DYTN: variants seen among roughly 807,000 people sequenced by gnomAD.
The protein encoded by DYTN is dystrotelin.
A neutral mutation model predicts 69.6 loss-of-function variants in DYTN; 75 were observed. The observed-to-expected ratio is 1.08, with a 90% CI of 0.89 to 1.31. The LOEUF (loss-of-function observed/expected upper bound fraction) is 1.31, where lower values mean the gene tolerates loss of function less well. DYTN is among the 50% of genes most tolerant of loss of function. The pLI is 0.00. For synonymous variants in DYTN, 252 were observed against 249.1 expected, an observed-to-expected ratio of 1.01 and a Z score of -0.11; for missense variants, 726 against 688.4, an observed-to-expected ratio of 1.05 and a Z score of -0.61.
rs1162064786 is a variant in DYTN at position 206,671,725 on chromosome 2, A to G, written c.981-5696T>C. On this transcript the variant is annotated intron_variant, in intron 9 of 11. Coordinates refer to ENST00000452335, the MANE Select transcript of DYTN (RefSeq NM_001093730.1). ...CTCAAATAACTCAGTGATTTAATGTATATTGTTAATATGAAGAAAATCTTT... is the reference window on the plus strand; with the variant it reads ...CTCAAATAACTCAGTGATTTAATGTGTATTGTTAATATGAAGAAAATCTTT... Among the ~76,000 whole-genome samples the G allele has an allele frequency of 3.3e-5, 5 of 152,252 alleles. No homozygotes were observed. The East Asian group carries it at 9.6e-4, about 29-fold the overall frequency.
At chr2:206,658,178 T>C (rs532585045) in intron 11 of DYTN, among the ~76,000 whole-genome samples, 1 of 152,248 alleles carries the variant, frequency 6.6e-6, no homozygotes, top group South Asian at 2.1e-4. Flanking sequence ...ATTCTTCAGC[T>C]CCAAGACTAT....
Position 206,714,298 on chromosome 2 carries a change from G to A in DYTN, c.20-3700C>T, listed in dbSNP as rs990345922. On this transcript the variant is annotated intron_variant, in intron 1 of 11. Transcript: ENST00000452335. ...CTCGGCTCACTGCTCCACCTCCCGGGTTCATGCCAATCTCCTGCCTCAGCC... is the reference window on the plus strand; with the variant it reads ...CTCGGCTCACTGCTCCACCTCCCGGATTCATGCCAATCTCCTGCCTCAGCC... Among the ~76,000 whole-genome samples, 42 of 152,188 alleles carry A rather than the reference G, an allele frequency of 2.8e-4. 1 individual carries two copies. The highest frequency in any genetic ancestry group is 2.7e-3 in the Admixed American group (42 of 15,282).
Position 206,700,211 on chromosome 2 carries a change from T to A in DYTN, c.489A>T (p.Pro163=). Residue 163 remains proline, a synonymous_variant, in exon 6 of 12, where the codon CCA becomes CCT. Transcript: ENST00000452335. ...RKLLTDLQQI[P]TFVGESRALC... is the part of the protein sequence containing the mutation. ...GAGCACGACTCTCTCCCACGAAAGT[T>A]GGGATCTGCAAGAGACAACCTCATC... The A allele has an allele frequency of 1.2e-6, 2 of 1,613,818 alleles. No individual in the cohort carries two copies. The highest frequency in any genetic ancestry group is 1.7e-6 in the Non-Finnish European group (2 of 1,179,752).
At chr2:206,652,540 A>C (rs1463632995) in intron 11 of DYTN, among the ~76,000 whole-genome samples, 1 of 152,218 alleles carries the variant, frequency 6.6e-6, no homozygotes, top group Non-Finnish European at 1.5e-5. Context: ...ACATATTTAC[A>C]TTTGTGCATA....
chr2:206,677,914 C>T (rs922826451), intron 9 of DYTN, among the ~76,000 whole-genome samples: 14 of 151,934 alleles, frequency 9.2e-5, no homozygotes, highest in African/African-American at 2.9e-4. Context: ...CGCTTGAACC[C>T]GGGAAGCGGA....
At chr2:206,718,230 CTA>C (rs774179951) in intron 1 of DYTN, 29 bp downstream of exon 1, 1 of 1,576,850 alleles carries the variant, frequency 6.3e-7, no homozygotes, top group Non-Finnish European at 8.6e-7. Flanking sequence ...TGTTTACAAA[CTA>C]TGCTCAGAAA....
chr2:206,664,777 A>G (rs1201515258), intron 10 of DYTN, among the ~76,000 whole-genome samples: 2 of 152,214 alleles, frequency 1.3e-5, no homozygotes, highest in Non-Finnish European at 2.9e-5. Flanking sequence ...CAATTTTGTA[A>G]TTACATTGGC....
intron 1 of DYTN, among the ~76,000 whole-genome samples, chr2:206,712,684 A>G (rs936517033): frequency 6.6e-6 from 1 of 152,160 alleles, no homozygotes; most frequent in Non-Finnish European, 1.5e-5. Flanking sequence ...GCCACCCAGC[A>G]TCCATTTTTC....
chr2:206,682,839 A>G lies in DYTN; in HGVS notation c.980+10336T>C, dbSNP rs372186454. 1.3e-3 allele frequency among the ~76,000 whole-genome samples: 191 copies of G among 152,272 alleles called. 3 individuals carry two copies. Among genetic ancestry groups the G allele is most frequent in the African/African-American group, 4.4e-3 (182 of 41,544 alleles). ...AGCCTCCCCATCTCGGTTGATGGCA[A>G]TCTTATTCTTCTACTTACTATAGAA... On this transcript the variant is annotated intron_variant, in intron 9 of 11. Coordinates refer to ENST00000452335, the MANE Select transcript of DYTN (RefSeq NM_001093730.1).
chr2:206,666,860 TACACACACAC>T (rs35200393), intron 9 of DYTN, among the ~76,000 whole-genome samples: 2 of 137,458 alleles, frequency 1.5e-5, no homozygotes, highest in African/African-American at 2.7e-5. Context: ...ACCTCATCTC[TACACACACAC>T]ACACACACAC....
At chr2:206,669,931 G>A (rs1461414874) in intron 9 of DYTN, among the ~76,000 whole-genome samples, 2 of 152,186 alleles carry the variant, frequency 1.3e-5, no homozygotes, top group African/African-American at 2.4e-5. Context: ...TATTGGACAT[G>A]TACTGGATAT....
intron 7 of DYTN, among the ~76,000 whole-genome samples, chr2:206,695,285 T>A (rs1403728751): frequency 6.6e-6 from 1 of 152,200 alleles, no homozygotes; most frequent in East Asian, 1.9e-4. Flanking sequence ...AAAATAGATT[T>A]CAATAAAATC....
intron 10 of DYTN, among the ~76,000 whole-genome samples, chr2:206,665,544 C>T (rs1420361765): frequency 2.0e-5 from 3 of 151,882 alleles, no homozygotes; most frequent in Non-Finnish European, 2.9e-5. Context: ...AACCACAGAA[C>T]CAAATTCCCC....
At chr2:206,694,668 G>A in intron 8 of DYTN, 98 bp downstream of exon 8, 2 of 914,250 alleles carry the variant, frequency 2.2e-6, no homozygotes, top group Non-Finnish European at 3.2e-6. Context: ...TATGACAGGA[G>A]CAGAATCTGT....
rs1244925415 is a variant in DYTN at position 206,693,217 on chromosome 2, T to C, written c.938A>G (p.Asp313Gly). 1 of 1,613,180 alleles carries C rather than the reference T, an allele frequency of 6.2e-7. No individual in the cohort carries two copies. The highest frequency in any genetic ancestry group is 8.5e-7 in the Non-Finnish European group (1 of 1,179,830). The change falls in exon 9 of 12, where the codon GAC (aspartate) becomes GGC (glycine). Residue 313 changes from aspartate to glycine, a missense_variant. By Grantham distance (94) the Asp-to-Gly change is moderately conservative. Transcript: ENST00000452335. ...AGGCACACCCTTTGGATTCACCTGGTCCAGCAGCTGCTGCCTTCTCGCTGC... is the reference window on the plus strand; with the variant it reads ...AGGCACACCCTTTGGATTCACCTGGCCCAGCAGCTGCTGCCTTCTCGCTGC... ...KEAARRQQLL[D>G]QVNPKGVPHH...
At chr2:206,652,053 GTT>G in intron 11 of DYTN, 132 bp from the exon 12 acceptor site, 2 of 735,572 alleles carry the variant, frequency 2.7e-6, no homozygotes, top group Non-Finnish European at 4.3e-6. Context: ...ATGTCCTTAA[GTT>G]AGCCAGCAAA....
intron 9 of DYTN, among the ~76,000 whole-genome samples, chr2:206,676,480 C>T (rs543330680): frequency 2.0e-5 from 3 of 152,128 alleles, no homozygotes; most frequent in East Asian, 3.9e-4. Flanking sequence ...TTAACGCATG[C>T]GGGGCCTAAA....
At chr2:206,706,072 G>T (rs1254888074) in intron 3 of DYTN, among the ~76,000 whole-genome samples, 199 bp from the exon 4 acceptor site, 1 of 152,114 alleles carries the variant, frequency 6.6e-6, no homozygotes, top group African/African-American at 2.4e-5. Context: ...TCATTTATTT[G>T]TTCCTGCATT....
Position 206,718,319 on chromosome 2 carries a change from C to T in DYTN, c.-40G>A. Reference sequence around the variant, plus strand: ...GGAATGACAGATGGCAAGTGGGTCCCTGTAACTAGAAATGAACCAGTATTT... The same window carrying T: ...GGAATGACAGATGGCAAGTGGGTCCTTGTAACTAGAAATGAACCAGTATTT... On this transcript the variant is annotated 5_prime_UTR_variant, in exon 1 of 12. Coordinates refer to ENST00000452335, the MANE Select transcript of DYTN (RefSeq NM_001093730.1). 6.3e-7 allele frequency: 1 copy of T among 1,594,550 alleles called. No individual in the cohort carries two copies. The highest frequency in any genetic ancestry group is 1.7e-5 in the Admixed American group (1 of 57,552).
Sources: gnomAD v4.1 joint callset for allele counts (sites outside exome capture counted in the v4.1 genomes callset) on GRCh38, gnomAD v4.1.1 for gene constraint, MANE v1.5 for transcripts, NCBI Gene and HGNC (gene_info 2026-07-23, HGNC 2026-07-21) for gene names.